SLC25A21: variants seen among roughly 807,000 people sequenced by gnomAD.
SLC25A21 encodes mitochondrial 2-oxodicarboxylate carrier.
SLC25A21 carries 47 observed loss-of-function variants against 43.8 expected under a neutral mutation model. That is an observed-to-expected ratio of 1.07 (90% CI 0.85 to 1.37). The LOEUF is 1.37. SLC25A21 is among the 40% of genes most tolerant of loss of function. The pLI, the probability that SLC25A21 is intolerant of heterozygous loss-of-function variation, is 0.00. For synonymous variants in SLC25A21, 131 were observed against 121.3 expected (o/e 1.08, Z -0.52); for missense variants, 352 against 350.2 (o/e 1.00, Z -0.04).
intron 1 of SLC25A21, among the ~76,000 whole-genome samples, chr14:36,993,579 T>A (rs895053578): frequency 2.0e-5 from 3 of 152,166 alleles, no homozygotes; most frequent in Non-Finnish European, 4.4e-5. Context: ...TTAGTGACCC[T>A]GTGAGGTCAC....
intron 1 of SLC25A21, among the ~76,000 whole-genome samples, chr14:36,939,949 G>A (rs7161632): frequency 2.0e-5 from 3 of 152,034 alleles, no homozygotes; most frequent in African/African-American, 7.2e-5. Context: ...TCTCCTCCAC[G>A]TCATATTTGC....
At chr14:36,705,714 C>T (rs760637357) in intron 7 of SLC25A21, among the ~76,000 whole-genome samples, 1 of 152,100 alleles carries the variant, frequency 6.6e-6, no homozygotes, top group Non-Finnish European at 1.5e-5. Context: ...CACTGTAAGA[C>T]ATTTATAGAT....
rs17105686 is a variant in SLC25A21, at chr14:36,915,272, A to G, written c.71-40268T>C. Among the ~76,000 whole-genome samples, 242 of 152,206 alleles carry G rather than the reference A, an allele frequency of 1.6e-3. 1 individual carries two copies. The highest frequency in any genetic ancestry group is 0.012 in the Admixed American group (177 of 15,258). ...CAACAGAATTCTACTATGAGCTGTGAGCTAACTGGGAAATGTCAACATGTA... is the reference window on the plus strand; with the variant it reads ...CAACAGAATTCTACTATGAGCTGTGGGCTAACTGGGAAATGTCAACATGTA... On this transcript the variant is annotated intron_variant, in intron 1 of 9. Transcript: ENST00000331299.
intron 6 of SLC25A21, among the ~76,000 whole-genome samples, chr14:36,720,531 G>A (rs1407189031): frequency 6.6e-6 from 1 of 152,218 alleles, no homozygotes; most frequent in Non-Finnish European, 1.5e-5. Flanking sequence ...TTTCTTAAAG[G>A]TGTTGTCAAG....
At chr14:37,072,759 GA>G (rs1022940512) in intron 1 of SLC25A21, among the ~76,000 whole-genome samples, 4 of 151,382 alleles carry the variant, frequency 2.6e-5, no homozygotes, top group African/African-American at 9.7e-5. Context: ...AAACAAAAAA[GA>G]AAAAAAAGAA....
Position 37,172,435 on chromosome 14 carries a change from C to CGGCTG in SLC25A21, c.-90_-86dup. On this transcript the variant is annotated 5_prime_UTR_variant, in exon 1 of 10. Transcript: ENST00000331299. ...CACAGCCTACTGATCCAGAGAGCCC[C>CGGCTG]GGCTGGGCTGGTCCTCAAGCGCGTT... 7.1e-7 allele frequency: 1 copy of CGGCTG among 1,413,600 alleles called. No individual in the cohort carries two copies. The highest frequency in any genetic ancestry group is 2.5e-5 in the East Asian group (1 of 40,300). 87.6% of individuals were successfully genotyped at this position (1,413,600 alleles called of 1,614,324 possible).
intron 3 of SLC25A21, among the ~76,000 whole-genome samples, chr14:36,782,522 T>G (rs575989144): frequency 1.3e-5 from 2 of 152,298 alleles, no homozygotes; most frequent in African/African-American, 4.8e-5. Flanking sequence ...ATCTTTGCAT[T>G]TGAAGATGCA....
chr14:36,723,013 G>C (rs967840846), intron 6 of SLC25A21, among the ~76,000 whole-genome samples: 1 of 152,110 alleles, frequency 6.6e-6, no homozygotes, highest in Non-Finnish European at 1.5e-5. Context: ...GCCGAGGTGA[G>C]CATACCTAAT....
intron 1 of SLC25A21, among the ~76,000 whole-genome samples, chr14:37,144,069 C>T (rs762728574): frequency 8.6e-5 from 13 of 151,600 alleles, no homozygotes; most frequent in Non-Finnish European, 7.4e-5. Flanking sequence ...TCCTTGGGGT[C>T]GAGGGCTTAG....
intron 1 of SLC25A21, among the ~76,000 whole-genome samples, chr14:36,930,300 A>G (rs1321717308): frequency 6.6e-6 from 1 of 152,200 alleles, no homozygotes; most frequent in Non-Finnish European, 1.5e-5. Context: ...ATGATGTTTA[A>G]TATCATTCTA....
chr14:36,889,763 T>C (rs974737503), intron 1 of SLC25A21, among the ~76,000 whole-genome samples: 7 of 152,128 alleles, frequency 4.6e-5, no homozygotes, highest in African/African-American at 1.7e-4. Context: ...AGTGCTAGAA[T>C]TCCAGGTGTG....
intron 1 of SLC25A21, among the ~76,000 whole-genome samples, chr14:36,934,628 G>C (rs192535056): frequency 6.6e-5 from 10 of 152,040 alleles, no homozygotes; most frequent in Non-Finnish European, 1.2e-4. Context: ...GGGGTAAAAA[G>C]AAAGTGGTAG....
intron 7 of SLC25A21, among the ~76,000 whole-genome samples, chr14:36,701,286 C>A (rs149464653): frequency 3.9e-5 from 6 of 152,084 alleles, no homozygotes; most frequent in African/African-American, 1.4e-4. Flanking sequence ...TCTCTTCATG[C>A]GAGATAATTT....
At chr14:36,703,972 C>A (rs1883388852) in intron 7 of SLC25A21, among the ~76,000 whole-genome samples, 1 of 152,134 alleles carries the variant, frequency 6.6e-6, no homozygotes, top group East Asian at 1.9e-4. Context: ...ATTCTTTATC[C>A]TGACACTCCA....
At chr14:37,027,988 A>G (rs1961129516) in intron 1 of SLC25A21, among the ~76,000 whole-genome samples, 1 of 152,194 alleles carries the variant, frequency 6.6e-6, no homozygotes, top group Non-Finnish European at 1.5e-5. Flanking sequence ...CATGATACAC[A>G]ATTACATTAT....
intron 1 of SLC25A21, 131 bp from the exon 2 acceptor site, chr14:36,875,135 T>TA: frequency 1.7e-6 from 1 of 579,962 alleles, no homozygotes; most frequent in Non-Finnish European, 3.0e-6. Flanking sequence ...CAGCTAATAG[T>TA]AATAGGCTAG....
At chr14:36,980,724 G>C (rs766453045) in intron 1 of SLC25A21, among the ~76,000 whole-genome samples, 30 of 152,202 alleles carry the variant, frequency 2.0e-4, no homozygotes, top group Admixed American at 3.9e-4. Context: ...CTTTGGAGGA[G>C]AAGAGGCGCT....
At chr14:36,972,745 T>C (rs1055508034) in intron 1 of SLC25A21, among the ~76,000 whole-genome samples, 21 of 152,148 alleles carry the variant, frequency 1.4e-4, no homozygotes, top group African/African-American at 4.8e-4. Context: ...GCCTGGAGTA[T>C]ATAGGGTATA....
At chr14:36,879,869 G>A (rs1181624680) in intron 1 of SLC25A21, among the ~76,000 whole-genome samples, 2 of 151,430 alleles carry the variant, frequency 1.3e-5, no homozygotes, top group African/African-American at 2.4e-5. Flanking sequence ...CATGATTGGT[G>A]AGAGACCAGT....
Sources: gnomAD v4.1 joint callset for allele counts (sites outside exome capture counted in the v4.1 genomes callset) on GRCh38, gnomAD v4.1.1 for gene constraint, MANE v1.5 for transcripts, NCBI Gene and HGNC (gene_info 2026-07-23, HGNC 2026-07-21) for gene names.